Variants in DLG2 observed in about 807,000 individuals in gnomAD.
DLG2 encodes discs large MAGUK scaffold protein 2.
DLG2 carries 45 observed loss-of-function variants against 132.5 expected under a neutral mutation model. The observed-to-expected ratio is 0.34, with a 90% CI of 0.27 to 0.44. The LOEUF is 0.44. Among genes scored for constraint, DLG2 ranks in the 20% least tolerant of loss-of-function variants. DLG2 has a pLI of 1.00. For missense variants in DLG2, 1,045 were observed against 1,196.9 expected (o/e 0.87, Z 1.87); for synonymous variants, 424 against 419.6 (o/e 1.01, Z -0.13).
At chr11:85,373,040 G>A (rs2085113701) in intron 3 of DLG2, among the ~76,000 whole-genome samples, 1 of 152,104 alleles carries the variant, frequency 6.6e-6, no homozygotes, top group Admixed American at 6.6e-5. Flanking sequence ...CATACCATGG[G>A]ACACTCCCCT....
At chr11:83,795,048 C>G (rs927266672) in intron 17 of DLG2, among the ~76,000 whole-genome samples, 3 of 152,156 alleles carry the variant, frequency 2.0e-5, no homozygotes, top group African/African-American at 7.2e-5. Flanking sequence ...AAGGCATTGT[C>G]AAGCTAGAAC....
At chr11:84,580,984 G>A (rs1247633598) in intron 6 of DLG2, among the ~76,000 whole-genome samples, 2 of 152,160 alleles carry the variant, frequency 1.3e-5, no homozygotes, top group African/African-American at 4.8e-5. Flanking sequence ...TTTCAGAAGT[G>A]CTAACACCAG....
chr11:84,193,865 C>G (rs2096462245), intron 8 of DLG2, among the ~76,000 whole-genome samples: 1 of 152,146 alleles, frequency 6.6e-6, no homozygotes, highest in Admixed American at 6.5e-5. Context: ...ATTACTCTAC[C>G]TTTGGGCAAG....
intron 7 of DLG2, among the ~76,000 whole-genome samples, chr11:84,313,093 G>A (rs2098307454): frequency 6.6e-6 from 1 of 152,046 alleles, no homozygotes. Flanking sequence ...ACAGGCGTGA[G>A]TCACTGCACC....
chr11:85,322,474 T>C (rs514809), intron 3 of DLG2, among the ~76,000 whole-genome samples: 124,973 of 152,082 alleles, frequency 0.82, 51,779 homozygotes, highest in Middle Eastern at 0.9. Context: ...TATTATAAAT[T>C]AGTGATTATC....
intron 9 of DLG2, among the ~76,000 whole-genome samples, chr11:84,162,687 A>G (rs1157672018): frequency 7.9e-5 from 12 of 152,148 alleles, no homozygotes; most frequent in Non-Finnish European, 1.3e-4. Context: ...GGGTTGTACT[A>G]ATTTTCAGAA....
At chr11:83,669,845 A>G (rs2076538275) in intron 18 of DLG2, among the ~76,000 whole-genome samples, 1 of 152,372 alleles carries the variant, frequency 6.6e-6, no homozygotes, top group South Asian at 2.1e-4. Context: ...AACTGAATAA[A>G]TGAAAGAGCA....
intron 16 of DLG2, among the ~76,000 whole-genome samples, chr11:83,837,472 G>A (rs1032916861): frequency 1.4e-4 from 21 of 152,214 alleles, no homozygotes; most frequent in Non-Finnish European, 8.8e-5. Context: ...CCTGGCTGCC[G>A]CTGGTAGAGC....
At chr11:85,164,111 T>A (rs767617158) in intron 4 of DLG2, among the ~76,000 whole-genome samples, 4 of 152,222 alleles carry the variant, frequency 2.6e-5, no homozygotes, top group Non-Finnish European at 5.9e-5. Flanking sequence ...GTTGCCTTGT[T>A]ATGCAGATCA....
At chr11:84,681,457 A>G (rs2099729732) in intron 6 of DLG2, among the ~76,000 whole-genome samples, 1 of 152,214 alleles carries the variant, frequency 6.6e-6, no homozygotes, top group Non-Finnish European at 1.5e-5. Flanking sequence ...TTGTAATTTC[A>G]AATGTGTAAT....
intron 3 of DLG2, among the ~76,000 whole-genome samples, chr11:85,369,702 C>A (rs2084829294): frequency 6.6e-6 from 1 of 152,094 alleles, no homozygotes; most frequent in Non-Finnish European, 1.5e-5. Context: ...AGCAACCCTG[C>A]CTTAGGGGAT....
rs374464734 is a variant in DLG2, at chr11:85,137,584, A to G, written c.282+16972T>C. Among the ~76,000 whole-genome samples, 5 of 152,082 alleles carry G rather than the reference A, an allele frequency of 3.3e-5. No individual in the cohort carries two copies. The East Asian group carries it at 9.6e-4, about 29-fold the overall frequency. Reference sequence around the variant, plus strand: ...ACTCCATGCAGATGAACTATAAACAACCTGTGATCCTCCTAAAAAGATAGG... The same window carrying G: ...ACTCCATGCAGATGAACTATAAACAGCCTGTGATCCTCCTAAAAAGATAGG... On this transcript the variant is annotated intron_variant, in intron 5 of 27. Transcript: ENST00000376104.
At chr11:85,373,618 C>T (rs977138366) in intron 3 of DLG2, among the ~76,000 whole-genome samples, 2 of 152,172 alleles carry the variant, frequency 1.3e-5, no homozygotes, top group African/African-American at 4.8e-5. Context: ...CCTGGCCCCT[C>T]TTCTTCCTGT....
intron 12 of DLG2, among the ~76,000 whole-genome samples, chr11:83,975,016 T>A (rs1284944214): frequency 2.0e-5 from 3 of 152,062 alleles, no homozygotes; most frequent in African/African-American, 7.2e-5. Flanking sequence ...TTTTAAACCT[T>A]AAATTACAAT....
chr11:85,354,615 G>A (rs1049825900), intron 3 of DLG2, among the ~76,000 whole-genome samples: 1 of 151,730 alleles, frequency 6.6e-6, no homozygotes, highest in Admixed American at 6.6e-5. Context: ...TTTATCTGAG[G>A]GTTGAATATC....
At position 85,427,242 on chromosome 11, in the gene DLG2, C is replaced by T. The variant is rs1289391963; in HGVS notation, c.41-141877G>A. 2.6e-5 allele frequency among the ~76,000 whole-genome samples: 4 copies of T among 152,170 alleles called. No homozygotes were observed. The South Asian group carries it at 8.3e-4, about 32-fold the overall frequency. Reference sequence around the variant, plus strand: ...GGAGAACTTCCCCAATCTAGCAAGGCAGGCCAACATTCAAATTCAGGAAAT... The same window carrying T: ...GGAGAACTTCCCCAATCTAGCAAGGTAGGCCAACATTCAAATTCAGGAAAT... On this transcript the variant is annotated intron_variant, in intron 3 of 27. Transcript: ENST00000376104.
chr11:83,749,392 A>G (rs971873482), intron 18 of DLG2, among the ~76,000 whole-genome samples: 2 of 152,204 alleles, frequency 1.3e-5, no homozygotes, highest in Non-Finnish European at 2.9e-5. Context: ...AAAAAGATGC[A>G]AATCCTGGCT....
chr11:85,303,471 T>C lies in DLG2; in HGVS notation c.41-18106A>G, dbSNP rs144896686. 6.8e-3 allele frequency among the ~76,000 whole-genome samples: 1,034 copies of C among 152,292 alleles called. 3 individuals are homozygous for C. The highest frequency in any genetic ancestry group is 0.019 in the South Asian group (92 of 4,818). ...CTTGGTCCATGTAATTCAATAAATA[T>C]TTATTAAGTGCTATTTATATGCAAT... On this transcript the variant is annotated intron_variant, in intron 3 of 27. Transcript: ENST00000376104.
At chr11:84,232,084 T>C (rs2097101329) in intron 8 of DLG2, among the ~76,000 whole-genome samples, 1 of 151,870 alleles carries the variant, frequency 6.6e-6, no homozygotes, top group Non-Finnish European at 1.5e-5. Flanking sequence ...GAAAAAAATA[T>C]ATATAAAAGA....
Sources: allele counts gnomAD v4.1 joint callset (sites outside exome capture counted in the v4.1 genomes callset), GRCh38; gene constraint gnomAD v4.1.1; transcripts MANE v1.5; gene names NCBI Gene and HGNC (gene_info 2026-07-23, HGNC 2026-07-21).